The following STIM1 variants were observed in gnomAD, a reference collection of about 807,000 sequenced individuals.
STIM1 encodes the protein stromal interaction molecule 1.
In STIM1, 25 loss-of-function variants were observed where a neutral mutation model predicts 74.7. The observed-to-expected ratio is 0.33, with a 90% CI of 0.24 to 0.47. The LOEUF is 0.47. STIM1 is among the 20% of genes least tolerant of loss of function. The pLI, the probability that STIM1 is intolerant of heterozygous loss-of-function variation, is 1.00. For missense variants in STIM1, 728 were observed against 920.8 expected (o/e 0.79, Z 2.71); for synonymous variants, 328 against 348.8 (o/e 0.94, Z 0.66).
At chr11:4,007,147 A>G (rs935225932) in intron 2 of STIM1, among the ~76,000 whole-genome samples, 2 of 152,128 alleles carry the variant, frequency 1.3e-5, no homozygotes, top group African/African-American at 4.8e-5. Context: ...GCATGGAACT[A>G]AATATACTTA....
chr11:4,067,033 C>G (rs2094371358), intron 5 of STIM1, among the ~76,000 whole-genome samples: 1 of 152,204 alleles, frequency 6.6e-6, no homozygotes, highest in Non-Finnish European at 1.5e-5. Flanking sequence ...CTTCTTCTTT[C>G]TCAAACTCCA....
At chr11:3,933,967 T>C (rs1437263506) in intron 1 of STIM1, among the ~76,000 whole-genome samples, 1 of 152,216 alleles carries the variant, frequency 6.6e-6, no homozygotes, top group Non-Finnish European at 1.5e-5. Context: ...TGGTTGGATC[T>C]TTGTAAGTTA....
intron 7 of STIM1, 138 bp downstream of exon 7, chr11:4,074,817 C>A (rs2094428234): frequency 2.0e-6 from 2 of 983,030 alleles, no homozygotes; most frequent in Non-Finnish European, 3.0e-6. Context: ...TGGACTCTTA[C>A]CAACAATAAG....
At chr11:4,056,385 A>G (rs1369475648) in intron 4 of STIM1, among the ~76,000 whole-genome samples, 1 of 152,248 alleles carries the variant, frequency 6.6e-6, no homozygotes, top group Non-Finnish European at 1.5e-5. Context: ...CCATTCAGTC[A>G]TTAATCCATT....
At chr11:3,992,902 A>G (rs1305199056) in intron 2 of STIM1, among the ~76,000 whole-genome samples, 1 of 152,140 alleles carries the variant, frequency 6.6e-6, no homozygotes, top group East Asian at 1.9e-4. Context: ...TTTTTCCTCA[A>G]CTCCACATCT....
At chr11:4,022,644 C>T (rs1223183871) in intron 2 of STIM1, among the ~76,000 whole-genome samples, 1 of 152,098 alleles carries the variant, frequency 6.6e-6, no homozygotes, top group Admixed American at 6.6e-5. Flanking sequence ...TATATTCCTT[C>T]TATACCTAAT....
chr11:3,989,769 G>A (rs1216431752), intron 2 of STIM1, among the ~76,000 whole-genome samples: 1 of 152,204 alleles, frequency 6.6e-6, no homozygotes, highest in Non-Finnish European at 1.5e-5. Context: ...AAGAACAGCA[G>A]AGTTGTGTAG....
intron 5 of STIM1, among the ~76,000 whole-genome samples, chr11:4,059,642 G>A (rs2094316658): frequency 6.6e-6 from 1 of 152,186 alleles, no homozygotes; most frequent in South Asian, 2.1e-4. Flanking sequence ...CCTGTAGGAA[G>A]ACCTGGAATG....
chr11:3,976,528 G>A (rs761911922), intron 2 of STIM1, among the ~76,000 whole-genome samples: 7 of 152,198 alleles, frequency 4.6e-5, no homozygotes, highest in Non-Finnish European at 8.8e-5. Context: ...GCGCCAAAAA[G>A]TTAAATTTCA....
intron 3 of STIM1, among the ~76,000 whole-genome samples, chr11:4,053,278 A>G (rs9704047): frequency 0.43 from 66,103 of 152,088 alleles, 16,146 homozygotes; most frequent in Non-Finnish European, 0.55. Context: ...AGACACATGC[A>G]CACGTGTGTT....
chr11:4,044,619 A>T (rs1163719078), intron 3 of STIM1, among the ~76,000 whole-genome samples: 1 of 152,222 alleles, frequency 6.6e-6, no homozygotes, highest in Non-Finnish European at 1.5e-5. Context: ...TAGATAGGGC[A>T]TCTGCCTAGG....
intron 1 of STIM1, among the ~76,000 whole-genome samples, chr11:3,927,761 C>T (rs145775082): frequency 3.3e-5 from 5 of 152,312 alleles, no homozygotes; most frequent in East Asian, 1.9e-4. Context: ...GCGTTGTTCT[C>T]GGCATCAATC....
At chr11:4,008,096 A>G (rs1224870933) in intron 2 of STIM1, among the ~76,000 whole-genome samples, 1 of 152,192 alleles carries the variant, frequency 6.6e-6, no homozygotes, top group African/African-American at 2.4e-5. Context: ...ACAGTGGGCC[A>G]CATATGCAAT....
intron 2 of STIM1, among the ~76,000 whole-genome samples, chr11:3,994,477 T>G (rs1017844548): frequency 1.3e-5 from 2 of 150,800 alleles, no homozygotes; most frequent in African/African-American, 4.9e-5. Flanking sequence ...TTTTTTTTTT[T>G]TGAGACATAG....
At chr11:4,010,973 G>T (rs2093830525) in intron 2 of STIM1, among the ~76,000 whole-genome samples, 1 of 152,074 alleles carries the variant, frequency 6.6e-6, no homozygotes, top group Non-Finnish European at 1.5e-5. Context: ...GTGGTGTTTG[G>T]TTTTCTGTCC....
intron 1 of STIM1, 129 bp downstream of exon 1, chr11:3,856,538 G>A: frequency 8.9e-7 from 1 of 1,128,650 alleles, no homozygotes; most frequent in Non-Finnish European, 1.2e-6. Flanking sequence ...GGCACTGCCT[G>A]TTCCAAGTAG....
In STIM1 at chr11:4,051,013, A is replaced by T. The variant is rs576973974; in HGVS notation, c.386-4513A>T. Among the ~76,000 whole-genome samples the T allele has an allele frequency of 1.6e-4, 24 of 152,238 alleles. 1 individual carries two copies. Among genetic ancestry groups the T allele is most frequent in the African/African-American group, 5.3e-4 (22 of 41,532 alleles). On this transcript the variant is annotated intron_variant, in intron 3 of 12. Coordinates refer to ENST00000526596, the MANE Select transcript of STIM1 (RefSeq NM_001382567.1). ...GAAGAGAGATTAGTCTTGCTGTCTCAGGGGTGGCAGAGGCAGAAAAGATAG... is the reference window on the plus strand; with the variant it reads ...GAAGAGAGATTAGTCTTGCTGTCTCTGGGGTGGCAGAGGCAGAAAAGATAG...
At chr11:3,942,584 C>T (rs12281293) in intron 1 of STIM1, among the ~76,000 whole-genome samples, 37,172 of 151,998 alleles carry the variant, frequency 0.24, 5,653 homozygotes, top group South Asian at 0.45. Flanking sequence ...GGTGATGGAC[C>T]GGTAGGTGGC....
At chr11:3,922,992 G>A (rs973144470) in intron 1 of STIM1, among the ~76,000 whole-genome samples, 67 of 151,730 alleles carry the variant, frequency 4.4e-4, no homozygotes, top group Admixed American at 3.0e-3. Flanking sequence ...CCAGCTACTC[G>A]GGAGGCTGAG....
Sources: allele counts gnomAD v4.1 joint callset (sites outside exome capture counted in the v4.1 genomes callset), GRCh38; gene constraint gnomAD v4.1.1; transcripts MANE v1.5; gene names NCBI Gene and HGNC (gene_info 2026-07-23, HGNC 2026-07-21).